The following DOCK3 variants were observed in gnomAD, a reference collection of about 807,000 sequenced individuals.
DOCK3 encodes the protein dedicator of cytokinesis 3.
In DOCK3, 60 loss-of-function variants were observed where a neutral mutation model predicts 265.6. The observed-to-expected ratio is 0.23, with a 90% CI of 0.18 to 0.28. DOCK3 has a LOEUF of 0.28. Ranked by LOEUF, DOCK3 falls within the 10% of genes least tolerant of loss-of-function variation. The probability of loss-of-function intolerance (pLI) is 1.00; values close to 1 mark genes in which losing one functional copy is unlikely to be tolerated. For synonymous variants in DOCK3, 881 were observed against 938.0 expected, an observed-to-expected ratio of 0.94 and a Z score of 1.11; for missense variants, 1,981 against 2,594.3, an observed-to-expected ratio of 0.76 and a Z score of 5.14.
At chr3:50,946,399 A>G (rs545725918) in intron 5 of DOCK3, among the ~76,000 whole-genome samples, 1 of 152,326 alleles carries the variant, frequency 6.6e-6, no homozygotes, top group Non-Finnish European at 1.5e-5. Context: ...TTTTCTCTCA[A>G]TGTAATTAAA....
intron 13 of DOCK3, among the ~76,000 whole-genome samples, chr3:51,212,800 C>T (rs1225634498): frequency 6.6e-6 from 1 of 152,152 alleles, no homozygotes; most frequent in Non-Finnish European, 1.5e-5. Context: ...AACTGGAATA[C>T]TGTATGTTTG....
chr3:51,343,425 G>C (rs1051412690), intron 38 of DOCK3, among the ~76,000 whole-genome samples: 2 of 152,192 alleles, frequency 1.3e-5, no homozygotes, highest in African/African-American at 4.8e-5. Context: ...TGGGATCAAG[G>C]CTCATCTATC....
intron 50 of DOCK3, 108 bp from the exon 51 acceptor site, chr3:51,375,640 T>C: frequency 1.6e-6 from 2 of 1,285,460 alleles, no homozygotes; most frequent in East Asian, 2.3e-5. Flanking sequence ...ACTGCTTTGT[T>C]TTCCCCGTCT....
intron 9 of DOCK3, among the ~76,000 whole-genome samples, chr3:51,112,465 G>A (rs6783700): frequency 0.011 from 1,619 of 152,296 alleles, 41 homozygotes; most frequent in African/African-American, 0.036. Context: ...AATTAATTCT[G>A]CATCATGATA....
intron 1 of DOCK3, among the ~76,000 whole-genome samples, chr3:50,775,781 T>C (rs1271416088): frequency 6.6e-6 from 1 of 152,134 alleles, no homozygotes; most frequent in East Asian, 1.9e-4. Context: ...AGTCTATTAC[T>C]CTGTATGTCT....
chr3:51,285,912 G>A (rs1046643199), intron 27 of DOCK3, among the ~76,000 whole-genome samples: 9 of 152,166 alleles, frequency 5.9e-5, no homozygotes, highest in Admixed American at 5.2e-4. Flanking sequence ...TCCAGCCCAG[G>A]CAACAGTGCA....
chr3:51,262,531 C>T (rs1368372537), intron 23 of DOCK3, among the ~76,000 whole-genome samples: 1 of 152,148 alleles, frequency 6.6e-6, no homozygotes, highest in Admixed American at 6.5e-5. Context: ...ATCACAACTC[C>T]TAGCCAGCAA....
chr3:50,744,230 G>A (rs572095267), intron 1 of DOCK3, among the ~76,000 whole-genome samples: 3 of 152,194 alleles, frequency 2.0e-5, no homozygotes, highest in South Asian at 2.1e-4. Flanking sequence ...TGTGAGCTTG[G>A]CACTCTCTTA....
chr3:51,207,974 C>T (rs1204574290), intron 12 of DOCK3, among the ~76,000 whole-genome samples: 1 of 152,184 alleles, frequency 6.6e-6, no homozygotes, highest in African/African-American at 2.4e-5. Flanking sequence ...ATAAGGAATT[C>T]CTAGTCTCTG....
intron 31 of DOCK3, among the ~76,000 whole-genome samples, chr3:51,314,502 G>A (rs1029259395): frequency 2.6e-5 from 4 of 152,320 alleles, no homozygotes; most frequent in African/African-American, 9.6e-5. Flanking sequence ...CTTATTAGAC[G>A]TCTGGTGGCT....
At chr3:51,036,277 A>G (rs570484721) in intron 5 of DOCK3, among the ~76,000 whole-genome samples, 48 of 152,196 alleles carry the variant, frequency 3.2e-4, no homozygotes, top group Non-Finnish European at 6.3e-4. Flanking sequence ...GAACTCCAAT[A>G]CTATATTCCT....
intron 5 of DOCK3, among the ~76,000 whole-genome samples, chr3:51,051,735 G>A (rs527395198): frequency 1.7e-4 from 26 of 152,216 alleles, no homozygotes; most frequent in African/African-American, 6.0e-4. Flanking sequence ...GGTTTAATTG[G>A]CTCACGGTTC....
intron 1 of DOCK3, among the ~76,000 whole-genome samples, chr3:50,748,752 T>A (rs1046737457): frequency 2.0e-5 from 3 of 152,202 alleles, no homozygotes; most frequent in Non-Finnish European, 4.4e-5. Context: ...TATACTGTGG[T>A]ACCAGTAGTA....
At chr3:51,248,587 G>A (rs967652156) in intron 22 of DOCK3, among the ~76,000 whole-genome samples, 4 of 152,256 alleles carry the variant, frequency 2.6e-5, no homozygotes, top group African/African-American at 7.2e-5. Flanking sequence ...CCAAAGTGCC[G>A]AGATTGCAGC....
At chr3:50,839,520 A>G (rs898053813) in intron 2 of DOCK3, among the ~76,000 whole-genome samples, 24 of 151,938 alleles carry the variant, frequency 1.6e-4, no homozygotes, top group Non-Finnish European at 1.6e-4. Flanking sequence ...AGTGTTCTGG[A>G]TTTTGGCCAT....
intron 24 of DOCK3, among the ~76,000 whole-genome samples, chr3:51,273,788 C>A (rs182473083): frequency 1.3e-5 from 2 of 152,288 alleles, no homozygotes; most frequent in African/African-American, 2.4e-5. Flanking sequence ...ATCTAAAATG[C>A]CATGGCTTGT....
At chr3:50,923,220 T>C (rs571930487) in intron 4 of DOCK3, among the ~76,000 whole-genome samples, 10 of 152,348 alleles carry the variant, frequency 6.6e-5, no homozygotes, top group Non-Finnish European at 1.2e-4. Flanking sequence ...ATTGTGCTCC[T>C]ATAGACATGT....
chr3:50,827,684 A>G (rs527865418), intron 2 of DOCK3, among the ~76,000 whole-genome samples: 24 of 152,276 alleles, frequency 1.6e-4, no homozygotes, highest in African/African-American at 5.1e-4. Flanking sequence ...GCATCAACCT[A>G]TAGCTTGTGG....
chr3:51,243,072 G>A (rs2078680051), intron 21 of DOCK3, among the ~76,000 whole-genome samples: 1 of 152,170 alleles, frequency 6.6e-6, no homozygotes, highest in Admixed American at 6.5e-5. Flanking sequence ...GCCAACCAAG[G>A]GGTGCTCAGG....
Sources: allele counts gnomAD v4.1 joint callset (sites outside exome capture counted in the v4.1 genomes callset), GRCh38; gene constraint gnomAD v4.1.1; transcripts MANE v1.5; gene names NCBI Gene and HGNC (gene_info 2026-07-23, HGNC 2026-07-21).